Variants in MECOM observed in about 807,000 individuals in gnomAD.
MECOM encodes histone-lysine N-methyltransferase MECOM.
Under a neutral mutation model 116.3 loss-of-function variants are expected in MECOM, and 13 were observed. The observed-to-expected ratio is 0.11, with a 90% CI of 0.07 to 0.18. The LOEUF (loss-of-function observed/expected upper bound fraction) is 0.18, where lower values mean the gene tolerates loss of function less well. Ranked by LOEUF, MECOM falls within the 10% of genes least tolerant of loss-of-function variation. The pLI is 1.00. For synonymous variants in MECOM, 528 were observed against 535.2 expected, an observed-to-expected ratio of 0.99 and a Z score of 0.19; for missense variants, 1,299 against 1,509.0, an observed-to-expected ratio of 0.86 and a Z score of 2.31.
chr3:169,370,434 A>G (rs1160804254), intron 2 of MECOM, among the ~76,000 whole-genome samples: 7 of 152,054 alleles, frequency 4.6e-5, no homozygotes, highest in East Asian at 1.9e-4. Context: ...AGAGAAAAGT[A>G]TAGGAGAAAG....
In MECOM at chr3:169,084,915, G is replaced by A. The variant is rs201640456; in HGVS notation, c.3714C>T (p.His1238=). 36 of 1,613,964 alleles carry A rather than the reference G, an allele frequency of 2.2e-5. No individual in the cohort carries two copies. The East Asian group carries it at 3.6e-4, about 16-fold the overall frequency. ...CTGGTCAACCTTGATAACGTCATACGTGGCTTATGGACTGGATAGCACTGG... is the reference window on the plus strand; with the variant it reads ...CTGGTCAACCTTGATAACGTCATACATGGCTTATGGACTGGATAGCACTGG... ...AESSAIQSIS[H]V is the part of the protein sequence containing the mutation. Residue 1238 remains histidine, a synonymous_variant, in exon 17 of 17, where the codon CAC becomes CAT. Coordinates refer to ENST00000651503, the MANE Select transcript of MECOM (RefSeq NM_004991.4).
At chr3:169,216,577 TAAAAAA>T (rs527868465) in intron 2 of MECOM, among the ~76,000 whole-genome samples, 3 of 133,800 alleles carry the variant, frequency 2.2e-5, no homozygotes, top group Non-Finnish European at 4.9e-5. Context: ...CCTTCTCTAG[TAAAAAA>T]AAAAAAAAAG....
chr3:169,113,561 TAGAG>T (rs992739119), intron 8 of MECOM, among the ~76,000 whole-genome samples: 13 of 151,948 alleles, frequency 8.6e-5, no homozygotes, highest in African/African-American at 2.9e-4. Flanking sequence ...TTTCTGAAGA[TAGAG>T]AGAGACACAT....
rs555714775 is a variant in MECOM at position 169,453,946 on chromosome 3, C to T, written c.38-72422G>A. 2.2e-4 allele frequency among the ~76,000 whole-genome samples: 34 copies of T among 152,158 alleles called. 1 individual carries two copies. The highest frequency in any genetic ancestry group is 3.4e-3 in the Middle Eastern group (1 of 294). On this transcript the variant is annotated intron_variant, in intron 1 of 16. Coordinates refer to ENST00000651503, the MANE Select transcript of MECOM (RefSeq NM_004991.4). ...AAAAAAAAAACTCTGTTATCAGAGT[C>T]GCCTTTGCAATCAAAACTTGTTGGG...
At chr3:169,659,655 T>C (rs1183390712) in intron 1 of MECOM, among the ~76,000 whole-genome samples, 3 of 151,934 alleles carry the variant, frequency 2.0e-5, no homozygotes, top group African/African-American at 7.3e-5. Flanking sequence ...CAAATAAAAG[T>C]ATTTTTTAAA....
chr3:169,231,494 AT>A (rs1292594598), intron 2 of MECOM, among the ~76,000 whole-genome samples: 1 of 152,124 alleles, frequency 6.6e-6, no homozygotes, highest in Non-Finnish European at 1.5e-5. Flanking sequence ...AAAAAATAGG[AT>A]GATGAAATTA....
intron 1 of MECOM, among the ~76,000 whole-genome samples, chr3:169,522,045 T>C (rs1204323106): frequency 6.6e-6 from 1 of 152,134 alleles, no homozygotes; most frequent in African/African-American, 2.4e-5. Flanking sequence ...ATCTGCAGAT[T>C]TTGGTATCCG....
At chr3:169,350,177 A>G (rs1001693809) in intron 2 of MECOM, among the ~76,000 whole-genome samples, 2 of 151,856 alleles carry the variant, frequency 1.3e-5, no homozygotes, top group Admixed American at 1.3e-4. Context: ...ATTCTCTTAC[A>G]CTTCACATGT....
At chr3:169,132,051 A>G in intron 3 of MECOM, 4 of 894,822 alleles carry the variant, frequency 4.5e-6, no homozygotes, top group Non-Finnish European at 5.4e-6. Flanking sequence ...AAAGGAGAGT[A>G]TTTTGTTTTT....
At chr3:169,493,166 G>A (rs565181957) in intron 1 of MECOM, among the ~76,000 whole-genome samples, 2 of 152,108 alleles carry the variant, frequency 1.3e-5, no homozygotes, top group African/African-American at 2.4e-5. Flanking sequence ...CCATTTATTC[G>A]TTCAAAAAGA....
chr3:169,247,209 A>G (rs1755693745), intron 2 of MECOM, among the ~76,000 whole-genome samples: 1 of 152,230 alleles, frequency 6.6e-6, no homozygotes, highest in African/African-American at 2.4e-5. Flanking sequence ...ATCATTCAGT[A>G]TTATTTAAAA....
In MECOM at chr3:169,128,922, T is replaced by C. The variant is rs567906065; in HGVS notation, c.614-862A>G. On this transcript the variant is annotated intron_variant, in intron 4 of 16. Coordinates refer to ENST00000651503, the MANE Select transcript of MECOM (RefSeq NM_004991.4). ...CTCATAAAGCCACACTCCGCACAGA[T>C]CACACAGATACAATCACAGAAGTCT... 2.7e-3 allele frequency among the ~76,000 whole-genome samples: 412 copies of C among 152,272 alleles called. 1 individual carries two copies. The highest frequency in any genetic ancestry group is 9.4e-3 in the African/African-American group (389 of 41,546).
chr3:169,463,917 T>C (rs1747858443), intron 1 of MECOM: 1 of 152,190 alleles, frequency 6.6e-6, no homozygotes, highest in Non-Finnish European at 1.5e-5. Flanking sequence ...AAAAAAATTT[T>C]TTTTAATTCA....
chr3:169,581,396 C>T (rs186313619), intron 1 of MECOM, among the ~76,000 whole-genome samples: 87 of 152,254 alleles, frequency 5.7e-4, no homozygotes, highest in African/African-American at 2.0e-3. Flanking sequence ...CCTAATGGGC[C>T]TAATCAGCTC....
rs147379742 is a variant in MECOM, at chr3:169,125,637, C to T, written c.830+2207G>A. On this transcript the variant is annotated intron_variant, in intron 5 of 16. Coordinates refer to ENST00000651503, the MANE Select transcript of MECOM (RefSeq NM_004991.4). Reference sequence around the variant, plus strand: ...TCCAGCTAATCAGTAATAAAAAGCACAAAAAAGCAAGTCATTTTCACAAAA... The same window carrying T: ...TCCAGCTAATCAGTAATAAAAAGCATAAAAAAGCAAGTCATTTTCACAAAA... Among the ~76,000 whole-genome samples the T allele has an allele frequency of 3.7e-3, 558 of 152,082 alleles. 4 individuals are homozygous for T. The highest frequency in any genetic ancestry group is 0.013 in the African/African-American group (541 of 41,522).
chr3:169,392,230 C>T (rs889928167), intron 1 of MECOM, among the ~76,000 whole-genome samples: 2 of 151,538 alleles, frequency 1.3e-5, no homozygotes, highest in Non-Finnish European at 2.9e-5. Context: ...AAGTTTCCTC[C>T]GTGGAATAAA....
At chr3:169,176,412 A>G (rs1745178421) in intron 2 of MECOM, among the ~76,000 whole-genome samples, 1 of 152,222 alleles carries the variant, frequency 6.6e-6, no homozygotes, top group Non-Finnish European at 1.5e-5. Flanking sequence ...CTGGCTAGCC[A>G]TATGAAGAAA....
intron 2 of MECOM, among the ~76,000 whole-genome samples, chr3:169,212,808 A>T (rs1437072060): frequency 6.6e-6 from 1 of 150,934 alleles, no homozygotes; most frequent in Admixed American, 6.6e-5. Context: ...TTATCCAAAT[A>T]TGCCAAGCTC....
At chr3:169,193,595 G>A (rs1391508646) in intron 2 of MECOM, among the ~76,000 whole-genome samples, 1 of 151,178 alleles carries the variant, frequency 6.6e-6, no homozygotes, top group African/African-American at 2.4e-5. Context: ...TATCTAAAAA[G>A]GAAAAGCAGA....
Sources: allele counts gnomAD v4.1 joint callset (sites outside exome capture counted in the v4.1 genomes callset), GRCh38; gene constraint gnomAD v4.1.1; transcripts MANE v1.5; gene names NCBI Gene and HGNC (gene_info 2026-07-23, HGNC 2026-07-21).